The following TRIP12 variants were observed in gnomAD, a reference collection of about 807,000 sequenced individuals.
The protein encoded by TRIP12 is E3 ubiquitin-protein ligase TRIP12.
In TRIP12, 25 loss-of-function variants were observed where a neutral mutation model predicts 244.2. The observed-to-expected ratio is 0.10, with a 90% CI of 0.07 to 0.14. The LOEUF (loss-of-function observed/expected upper bound fraction) is 0.14. Among genes scored for constraint, TRIP12 ranks in the 10% least tolerant of loss-of-function variants. The pLI is 1.00. For missense variants in TRIP12, 1,677 were observed against 2,486.4 expected (o/e 0.67, Z 6.92); for synonymous variants, 905 against 873.1 (o/e 1.04, Z -0.64).
intron 1 of TRIP12, among the ~76,000 whole-genome samples, chr2:229,919,296 A>G (rs1480583856): frequency 1.3e-5 from 2 of 152,072 alleles, no homozygotes; most frequent in Non-Finnish European, 2.9e-5. Flanking sequence ...CGTGCCTGTA[A>G]TCTCAGCTAC....
chr2:229,773,084 T>C (rs1319396970), intron 38 of TRIP12, among the ~76,000 whole-genome samples: 1 of 152,104 alleles, frequency 6.6e-6, no homozygotes, highest in Non-Finnish European at 1.5e-5. Context: ...TACATGCTTT[T>C]TTTTTTTTTG....
In TRIP12 at chr2:229,804,050, A is replaced by T; in HGVS notation, c.2828T>A (p.Phe943Tyr). 6.2e-7 allele frequency: 1 copy of T among 1,614,134 alleles called. No individual in the cohort carries two copies. Among genetic ancestry groups the T allele is most frequent in the East Asian group, 2.2e-5 (1 of 44,876 alleles). ...CLRAILRIIYFADAELLKDVL... is the reference protein window; with the variant it reads ...CLRAILRIIYYADAELLKDVL... ...ATCCTTCAGAAGTTCAGCATCCGCA[A>T]AATAAATTATCCTAAGAATTGCTCT... The change falls in exon 19 of 42, where the codon TTT (phenylalanine) becomes TAT (tyrosine). Residue 943 changes from phenylalanine (F) to tyrosine (Y), a missense_variant. This residue lies in a region of TRIP12 where 572 missense variants were observed against 867.8 expected (regional missense o/e 0.66). Coordinates refer to ENST00000675903, the MANE Select transcript of TRIP12 (RefSeq NM_001348323.3).
intron 2 of TRIP12, among the ~76,000 whole-genome samples, chr2:229,876,923 T>A (rs2063702989): frequency 6.6e-6 from 1 of 152,162 alleles, no homozygotes; most frequent in Non-Finnish European, 1.5e-5. Flanking sequence ...CTCGAACTCC[T>A]GGCCACAAGT....
intron 1 of TRIP12, among the ~76,000 whole-genome samples, chr2:229,912,149 T>C (rs184032795): frequency 4.7e-4 from 71 of 152,344 alleles, no homozygotes; most frequent in African/African-American, 1.6e-3. Flanking sequence ...GTGGGTCATT[T>C]AGACAATAAA....
rs1161059340 is a variant in TRIP12 at position 229,830,818 on chromosome 2, G to A, written c.1292C>T (p.Ala431Val). The A allele has an allele frequency of 6.2e-7, 1 of 1,614,166 alleles. No homozygotes were observed. The highest frequency in any genetic ancestry group is 1.7e-5 in the Admixed American group (1 of 60,016). Residue 431 changes from alanine (A) to valine (V), a missense_variant, in exon 7 of 42, where the codon GCT becomes GTT. Physicochemically the swap from Ala to Val is moderately conservative, Grantham distance 64. Coordinates refer to ENST00000675903, the MANE Select transcript of TRIP12 (RefSeq NM_001348323.3). ...CTCCCCAGAGGTGGTCATGCCAACAGCCCCTGCAACAGAACTAGAGGCTTG... is the reference window on the plus strand; with the variant it reads ...CTCCCCAGAGGTGGTCATGCCAACAACCCCTGCAACAGAACTAGAGGCTTG... ...GAAASSSVAG[A>V]VGMTTSGESE...
chr2:229,822,886 A>C (rs2050444701), intron 8 of TRIP12, among the ~76,000 whole-genome samples: 1 of 152,214 alleles, frequency 6.6e-6, no homozygotes, highest in Non-Finnish European at 1.5e-5. Flanking sequence ...AGAATCAAAA[A>C]ACTATTCAGA....
intron 1 of TRIP12, among the ~76,000 whole-genome samples, chr2:229,901,695 A>C (rs1443971110): frequency 6.6e-6 from 1 of 152,144 alleles, no homozygotes; most frequent in Non-Finnish European, 1.5e-5. Flanking sequence ...AGGAACTGGA[A>C]GGTAATAAGA....
At chr2:229,876,691 T>C (rs1194221444) in intron 2 of TRIP12, among the ~76,000 whole-genome samples, 1 of 152,204 alleles carries the variant, frequency 6.6e-6, no homozygotes, top group African/African-American at 2.4e-5. Context: ...ACAGGGTCTT[T>C]CTCTGTCGCC....
Position 229,764,665 on chromosome 2 carries a change from T to C in TRIP12, c.*2889A>G, listed in dbSNP as rs538391801. On this transcript the variant is annotated 3_prime_UTR_variant, in exon 42 of 42. Coordinates refer to ENST00000675903, the MANE Select transcript of TRIP12 (RefSeq NM_001348323.3). ...GTCCTCAGTGTGGAAAATCAAGAGTTGTGGATCTAATTTCTTGGATACTGA... is the reference window on the plus strand; with the variant it reads ...GTCCTCAGTGTGGAAAATCAAGAGTCGTGGATCTAATTTCTTGGATACTGA... 6.6e-6 allele frequency: 1 copy of C among 152,218 alleles called. No homozygotes were observed. Among genetic ancestry groups the C allele is most frequent in the Non-Finnish European group, 1.5e-5 (1 of 68,042 alleles). 9.4% of individuals were successfully genotyped at this position (152,218 alleles called of 1,614,324 possible).
At chr2:229,872,731 GTC>G (rs908436039) in intron 2 of TRIP12, among the ~76,000 whole-genome samples, 11 of 152,196 alleles carry the variant, frequency 7.2e-5, no homozygotes, top group African/African-American at 2.7e-4. Context: ...TCTTTTAAGA[GTC>G]TGTTAAACTC....
At chr2:229,825,038 C>T (rs2051158764) in intron 8 of TRIP12, among the ~76,000 whole-genome samples, 1 of 152,140 alleles carries the variant, frequency 6.6e-6, no homozygotes, top group African/African-American at 2.4e-5. Flanking sequence ...TTTCAAATGA[C>T]TTTAAAACAC....
At chr2:229,912,548 C>T (rs2074499755) in intron 1 of TRIP12, among the ~76,000 whole-genome samples, 1 of 152,124 alleles carries the variant, frequency 6.6e-6, no homozygotes, top group Non-Finnish European at 1.5e-5. Flanking sequence ...CTTTAAGCTC[C>T]CCATTCTTCT....
intron 4 of TRIP12, among the ~76,000 whole-genome samples, chr2:229,852,746 T>C (rs1230679380): frequency 6.6e-6 from 1 of 152,192 alleles, no homozygotes; most frequent in East Asian, 1.9e-4. Flanking sequence ...TTTCACTAGA[T>C]CTTCTGCCAG....
chr2:229,807,306 T>G (rs2046127215), intron 17 of TRIP12: 2 of 215,276 alleles, frequency 9.3e-6, no homozygotes. Context: ...CTATTTCATT[T>G]GTTTCCACGT....
chr2:229,880,095 G>C lies in TRIP12; in HGVS notation c.-16C>G. The C allele has an allele frequency of 6.2e-7, 1 of 1,611,714 alleles. No homozygotes were observed. The highest frequency in any genetic ancestry group is 8.5e-7 in the Non-Finnish European group (1 of 1,178,228). On this transcript the variant is annotated 5_prime_UTR_variant, in exon 2 of 42. Coordinates refer to ENST00000675903, the MANE Select transcript of TRIP12 (RefSeq NM_001348323.3). ...GGTTGGACATTGGCACCTCTCTCTT[G>C]AAGGGACATACCCTTTCTAGACACT...
intron 1 of TRIP12, among the ~76,000 whole-genome samples, chr2:229,907,244 AC>A (rs1020818883): frequency 6.6e-6 from 1 of 152,232 alleles, no homozygotes; most frequent in Non-Finnish European, 1.5e-5. Context: ...GGAACCAGGC[AC>A]TGTGCTAGGT....
rs528371451 is a variant in TRIP12 at position 229,843,974 on chromosome 2, T to C, written c.1028-3047A>G. 1.7e-4 allele frequency among the ~76,000 whole-genome samples: 26 copies of C among 152,086 alleles called. 1 individual carries two copies. In the East Asian group the frequency reaches 3.7e-3, roughly 21 times the overall value. On this transcript the variant is annotated intron_variant, in intron 4 of 41. Coordinates refer to ENST00000675903, the MANE Select transcript of TRIP12 (RefSeq NM_001348323.3). ...ATTCCTAATTAAAAAAAAAAACTGATTTATTCAAAGTTCAAGGTTTCAGTC... is the reference window on the plus strand; with the variant it reads ...ATTCCTAATTAAAAAAAAAAACTGACTTATTCAAAGTTCAAGGTTTCAGTC...
chr2:229,776,110 C>T (rs192127006), intron 37 of TRIP12, among the ~76,000 whole-genome samples: 2 of 152,204 alleles, frequency 1.3e-5, no homozygotes, highest in Admixed American at 1.3e-4. Flanking sequence ...AGGTGTGTGA[C>T]CTTAGGCAGG....
intron 33 of TRIP12, among the ~76,000 whole-genome samples, chr2:229,787,223 GAAGAC>G (rs1362621885): frequency 6.6e-6 from 1 of 152,128 alleles, no homozygotes; most frequent in Non-Finnish European, 1.5e-5. Context: ...TTCAGTGAGA[GAAGAC>G]AAGATTCTTT....
Sources: gnomAD v4.1 joint callset for allele counts (sites outside exome capture counted in the v4.1 genomes callset) on GRCh38, gnomAD v4.1.1 for gene constraint, gnomAD v4.1.1 regional missense constraint, MANE v1.5 for transcripts, NCBI Gene and HGNC (gene_info 2026-07-23, HGNC 2026-07-21) for gene names.